BMP2K: variants seen among roughly 807,000 people sequenced by gnomAD.
The protein encoded by BMP2K is BMP-2-inducible protein kinase.
In BMP2K, 74 loss-of-function variants were observed where a neutral mutation model predicts 116.0. That is an observed-to-expected ratio of 0.64 (90% CI 0.53 to 0.77). BMP2K has a LOEUF of 0.77. BMP2K is among the 30% of genes least tolerant of loss of function. The probability of loss-of-function intolerance (pLI) is 0.00; values close to 1 mark genes in which losing one functional copy is unlikely to be tolerated. For missense variants in BMP2K, 1,365 were observed against 1,403.6 expected, an observed-to-expected ratio of 0.97 and a Z score of 0.44; for synonymous variants, 486 against 502.5, an observed-to-expected ratio of 0.97 and a Z score of 0.44.
At chr4:78,858,004 A>C (rs1024408221) in intron 7 of BMP2K, among the ~76,000 whole-genome samples, 22 of 151,950 alleles carry the variant, frequency 1.4e-4, no homozygotes, top group Non-Finnish European at 2.2e-4. Flanking sequence ...ATTAGTTTTA[A>C]TTTTCTTATA....
intron 3 of BMP2K, among the ~76,000 whole-genome samples, chr4:78,838,779 T>A (rs1236522046): frequency 6.6e-6 from 1 of 152,240 alleles, no homozygotes; most frequent in Admixed American, 6.5e-5. Flanking sequence ...TACGTGGTTT[T>A]AGGTATTCAA....
In BMP2K at chr4:78,912,089, T is replaced by C; in HGVS notation, c.*56T>C. ...CTGTTTCAAAAAAGTGTGAACAGTT[T>C]TATGAATTTGAAAGAAAATTTGGTA... On this transcript the variant is annotated 3_prime_UTR_variant, in exon 16 of 16. Coordinates refer to ENST00000502613, the MANE Select transcript of BMP2K (RefSeq NM_198892.2). 1 of 1,487,234 alleles carries C rather than the reference T, an allele frequency of 6.7e-7. No homozygotes were observed. Among genetic ancestry groups the C allele is most frequent in the Non-Finnish European group, 9.1e-7 (1 of 1,101,090 alleles). The allele number at this position is 1,487,234 out of a possible 1,614,324, so 92.1% of individuals were successfully genotyped here.
intron 6 of BMP2K, among the ~76,000 whole-genome samples, chr4:78,848,090 T>C (rs1173172580): frequency 6.6e-6 from 1 of 151,538 alleles, no homozygotes; most frequent in Non-Finnish European, 1.5e-5. Flanking sequence ...GGTTTTCCTT[T>C]CCTGGCCTCC....
At chr4:78,876,938 C>T (rs1732660244) in intron 13 of BMP2K, among the ~76,000 whole-genome samples, 1 of 152,074 alleles carries the variant, frequency 6.6e-6, no homozygotes, top group African/African-American at 2.4e-5. Context: ...ACGCTACAAA[C>T]CTGTATAGCA....
chr4:78,859,915 T>C, intron 8 of BMP2K: 1 of 561,078 alleles, frequency 1.8e-6, no homozygotes, highest in Non-Finnish European at 3.2e-6. Flanking sequence ...GCAGAATATT[T>C]TGCATTTTTG....
chr4:78,858,496 A>G (rs1426233133), intron 7 of BMP2K, among the ~76,000 whole-genome samples: 1 of 151,976 alleles, frequency 6.6e-6, no homozygotes, highest in Non-Finnish European at 1.5e-5. Context: ...CGTATATTTT[A>G]CACTGAGCTC....
Position 78,915,702 on chromosome 4 carries a change from A to T in BMP2K, c.*3669A>T, listed in dbSNP as rs1435547509. ...TGAATTTTTAAAAAATGGAATTGCA[A>T]CCACAATCATATCTAAGAGAACATT... On this transcript the variant is annotated 3_prime_UTR_variant, in exon 16 of 16. Coordinates refer to ENST00000502613, the MANE Select transcript of BMP2K (RefSeq NM_198892.2). The T allele has an allele frequency of 1.3e-5, 2 of 151,998 alleles. No individual in the cohort carries two copies. The highest frequency in any genetic ancestry group is 3.8e-4 in the East Asian group (2 of 5,198). The allele number at this position is 151,998 out of a possible 1,614,324, so 9.4% of individuals were successfully genotyped here. A position where few individuals can be genotyped will look rare whatever the true frequency, so the allele number is the denominator to read the frequency against.
At chr4:78,800,223 C>T (rs1354499839) in intron 1 of BMP2K, among the ~76,000 whole-genome samples, 1 of 152,120 alleles carries the variant, frequency 6.6e-6, no homozygotes, top group Non-Finnish European at 1.5e-5. Flanking sequence ...TATGCTGATA[C>T]TTTGGCTCTG....
At position 78,850,920 on chromosome 4, in the gene BMP2K, A is replaced by G. The variant is rs770080415; in HGVS notation, c.751-4A>G. 1 of 1,610,722 alleles carries G rather than the reference A, an allele frequency of 6.2e-7. No homozygotes were observed. The highest frequency in any genetic ancestry group is 1.7e-5 in the Admixed American group (1 of 59,672). On this transcript the variant is annotated splice_polypyrimidine_tract_variant and splice_region_variant and intron_variant, in intron 6 of 15. Coordinates refer to ENST00000502613, the MANE Select transcript of BMP2K (RefSeq NM_198892.2). ...AATGATATTTATGCTTCTTTGGTTT[A>G]CAGGCACTGGGATGTCTACTCTATA... is the stretch of plus-strand genomic sequence containing the variant.
At chr4:78,800,762 C>G (rs1367195315) in intron 1 of BMP2K, among the ~76,000 whole-genome samples, 1 of 152,030 alleles carries the variant, frequency 6.6e-6, no homozygotes, top group East Asian at 1.9e-4. Flanking sequence ...GCAAACTCAA[C>G]TCATGTTAAT....
Position 78,887,282 on chromosome 4 carries a change from C to T in BMP2K, c.2060C>T (p.Ser687Leu). The change falls in exon 15 of 16, where the codon TCA becomes TTA. Residue 687 changes from serine to leucine, a missense_variant and splice_region_variant. This residue lies in a region of BMP2K where 596 missense variants were observed against 623.2 expected (regional missense o/e 0.96). Coordinates refer to ENST00000502613, the MANE Select transcript of BMP2K (RefSeq NM_198892.2). The stretch of plus-strand genomic sequence containing the variant: ...GGTTCTGTTCCTTTCATTTCTCATT[C>T]AGGCAAGTTACACATGTAACATCAT... ...PFGSVPFISH[S>L]GSPEKKAEHS... is the part of the protein sequence containing the mutation. The T allele has an allele frequency of 6.3e-7, 1 of 1,597,444 alleles. No individual in the cohort carries two copies. The highest frequency in any genetic ancestry group is 8.6e-7 in the Non-Finnish European group (1 of 1,168,956).
intron 1 of BMP2K, among the ~76,000 whole-genome samples, chr4:78,790,719 G>A (rs1441613321): frequency 6.6e-6 from 1 of 152,082 alleles, no homozygotes; most frequent in Non-Finnish European, 1.5e-5. Context: ...AGTAAAACGA[G>A]CTTTTTCATA....
At chr4:78,782,392 A>T (rs944377079) in intron 1 of BMP2K, among the ~76,000 whole-genome samples, 2 of 152,232 alleles carry the variant, frequency 1.3e-5, no homozygotes, top group Admixed American at 6.5e-5. Flanking sequence ...ATGTTGTATC[A>T]CACAAGTTGG....
intron 1 of BMP2K, among the ~76,000 whole-genome samples, chr4:78,822,941 C>G (rs574425741): frequency 1.3e-5 from 2 of 152,232 alleles, no homozygotes; most frequent in South Asian, 2.1e-4. Context: ...AGTGTCCTAA[C>G]TAGTTACCTC....
chr4:78,778,598 G>A (rs3775526), intron 1 of BMP2K, among the ~76,000 whole-genome samples: 151,523 of 152,342 alleles, frequency 0.99, 75,357 homozygotes, highest in Middle Eastern at 1. Context: ...CTTTCCTTGT[G>A]TATTTTTTCT....
intron 15 of BMP2K, among the ~76,000 whole-genome samples, chr4:78,902,917 A>G (rs562857958): frequency 3.8e-4 from 58 of 152,272 alleles, no homozygotes; most frequent in African/African-American, 1.3e-3. Flanking sequence ...ATAGTGTGGC[A>G]TTAACTAGGA....
intron 2 of BMP2K, among the ~76,000 whole-genome samples, chr4:78,829,812 C>CTTCTCTTCTCTT (rs1730112415): frequency 1.4e-5 from 2 of 138,542 alleles, no homozygotes; most frequent in African/African-American, 6.1e-5. Context: ...CTTCTCTTCT[C>CTTCTCTTCTCTT]TTCTCTTCTC....
intron 15 of BMP2K, among the ~76,000 whole-genome samples, chr4:78,907,163 T>C (rs1040569113): frequency 3.3e-5 from 5 of 152,162 alleles, no homozygotes; most frequent in African/African-American, 1.2e-4. Context: ...GAATAAATAA[T>C]AGACTGTTGA....
intron 2 of BMP2K, among the ~76,000 whole-genome samples, chr4:78,829,970 G>A (rs1227824587): frequency 1.3e-5 from 2 of 151,748 alleles, no homozygotes; most frequent in African/African-American, 4.9e-5. Context: ...GGCCTCCTGG[G>A]TTCAAGTGAT....
Sources: gnomAD v4.1 joint callset for allele counts (sites outside exome capture counted in the v4.1 genomes callset) on GRCh38, gnomAD v4.1.1 for gene constraint, gnomAD v4.1.1 regional missense constraint, MANE v1.5 for transcripts, NCBI Gene and HGNC (gene_info 2026-07-23, HGNC 2026-07-21) for gene names.